Variants in PDZRN4 observed in about 807,000 individuals in gnomAD.
PDZRN4 encodes the protein PDZ domain containing ring finger 4.
A neutral mutation model predicts 99.0 loss-of-function variants in PDZRN4; 70 were observed. The observed-to-expected ratio is 0.71, with a 90% confidence interval of 0.58 to 0.86. The LOEUF is 0.86. Among genes scored for constraint, PDZRN4 ranks in the 40% least tolerant of loss-of-function variants. The probability of loss-of-function intolerance (pLI) is 0.00; values close to 1 mark genes in which losing one functional copy is unlikely to be tolerated. For synonymous variants in PDZRN4, 551 were observed against 501.6 expected (o/e 1.10, Z -1.32); for missense variants, 1,474 against 1,331.2 (o/e 1.11, Z -1.67).
At chr12:41,228,938 A>G (rs962007370) in intron 3 of PDZRN4, among the ~76,000 whole-genome samples, 1 of 152,060 alleles carries the variant, frequency 6.6e-6, no homozygotes, top group African/African-American at 2.4e-5. Context: ...ATGCTGGAGT[A>G]TCAGCCTGGA....
At chr12:41,568,648 A>T (rs1939420399) in intron 9 of PDZRN4, among the ~76,000 whole-genome samples, 1 of 152,120 alleles carries the variant, frequency 6.6e-6, no homozygotes, top group African/African-American at 2.4e-5. Context: ...TGTGATTAGT[A>T]TATTATTTTT....
At chr12:41,571,676 G>A (rs543911666) in intron 9 of PDZRN4, among the ~76,000 whole-genome samples, 2 of 152,178 alleles carry the variant, frequency 1.3e-5, no homozygotes, top group South Asian at 4.2e-4. Context: ...ATGTATTCAG[G>A]AATATGGCAT....
At chr12:41,548,684 A>G (rs546428504) in intron 5 of PDZRN4, among the ~76,000 whole-genome samples, 50 of 152,276 alleles carry the variant, frequency 3.3e-4, no homozygotes, top group African/African-American at 8.2e-4. Flanking sequence ...TAAAAAGCCA[A>G]TGCTTTTTAA....
chr12:41,521,578 A>G (rs1446130412), intron 5 of PDZRN4, among the ~76,000 whole-genome samples: 2 of 152,144 alleles, frequency 1.3e-5, no homozygotes, highest in Non-Finnish European at 2.9e-5. Context: ...CATGGTGCAT[A>G]TGAACCATAA....
rs746507871 is a variant in PDZRN4 at position 41,572,888 on chromosome 12, T to A, written c.2109T>A (p.His703Gln). Residue 703 changes from histidine (H) to glutamine (Q), a missense_variant, in exon 10 of 10, where the codon CAT becomes CAA. Physicochemically the swap from His to Gln is conservative, Grantham distance 24 (BLOSUM62 0). Coordinates refer to ENST00000402685, the MANE Select transcript of PDZRN4 (RefSeq NM_001164595.2). ...TDQYGDIWTL[H>Q]DGGFRNYNTS... is the part of the protein sequence containing the mutation. The stretch of plus-strand genomic sequence containing the variant: ...AGTATGGAGACATCTGGACATTGCA[T>A]GATGGAGGATTCCGGAATTATAACA... The A allele has an allele frequency of 1.1e-5, 18 of 1,614,082 alleles. No homozygotes were observed. The highest frequency in any genetic ancestry group is 1.5e-5 in the Non-Finnish European group (18 of 1,179,998).
rs61065876 is a variant in PDZRN4, at chr12:41,366,579, T to G, written c.844-139877T>G. Among the ~76,000 whole-genome samples, 589 of 152,242 alleles carry G rather than the reference T, an allele frequency of 3.9e-3. 1 individual carries two copies. The highest frequency in any genetic ancestry group is 0.014 in the African/African-American group (569 of 41,564). Reference sequence around the variant, plus strand: ...ATATGAAATTTAAAGTTTTACTGTGTTTAATGGAATATACCATAATGTTTC... The same window carrying G: ...ATATGAAATTTAAAGTTTTACTGTGGTTAATGGAATATACCATAATGTTTC... On this transcript the variant is annotated intron_variant, in intron 3 of 9. Coordinates refer to ENST00000402685, the MANE Select transcript of PDZRN4 (RefSeq NM_001164595.2).
chr12:41,488,947 C>A (rs1937828479), intron 3 of PDZRN4, among the ~76,000 whole-genome samples: 1 of 152,156 alleles, frequency 6.6e-6, no homozygotes, highest in African/African-American at 2.4e-5. Flanking sequence ...TAGATGTGAT[C>A]TCACCCTCCG....
At position 41,428,749 on chromosome 12, in the gene PDZRN4, TC is replaced by T. The variant is rs554498752; in HGVS notation, c.844-77706del. On this transcript the variant is annotated intron_variant, in intron 3 of 9. Coordinates refer to ENST00000402685, the MANE Select transcript of PDZRN4 (RefSeq NM_001164595.2). ...TGTGTAGGCAGAGAAGAGCAAGAAATCAACAACTTGCTCCTCACACCATTAG... is the reference window on the plus strand; with the variant it reads ...TGTGTAGGCAGAGAAGAGCAAGAAATAACAACTTGCTCCTCACACCATTAG... Among the ~76,000 whole-genome samples the T allele has an allele frequency of 4.7e-3, 718 of 152,136 alleles. 4 individuals are homozygous for T. The highest frequency in any genetic ancestry group is 7.0e-3 in the Non-Finnish European group (477 of 67,984).
At chr12:41,448,177 T>C (rs906865582) in intron 3 of PDZRN4, among the ~76,000 whole-genome samples, 7 of 152,158 alleles carry the variant, frequency 4.6e-5, no homozygotes, top group African/African-American at 1.7e-4. Flanking sequence ...ATTTCTGCCA[T>C]GAAAGGTTCC....
chr12:41,569,064 A>C (rs1469854096), intron 9 of PDZRN4, among the ~76,000 whole-genome samples: 1 of 150,768 alleles, frequency 6.6e-6, no homozygotes, highest in East Asian at 2.0e-4. Context: ...GGCCTCCCAA[A>C]GTTCTGGGAT....
intron 3 of PDZRN4, among the ~76,000 whole-genome samples, chr12:41,442,474 A>AG (rs1565583786): frequency 6.6e-6 from 1 of 152,134 alleles, no homozygotes; most frequent in Non-Finnish European, 1.5e-5. Flanking sequence ...AGGGCAGGCC[A>AG]GGTGCTTGTT....
At chr12:41,191,715 TAATGCAAATATTCCAGTACATACCCAGA>T in intron 2 of PDZRN4, among the ~76,000 whole-genome samples, 171 bp downstream of exon 2, 1 of 152,184 alleles carries the variant, frequency 6.6e-6, no homozygotes, top group African/African-American at 2.4e-5. Flanking sequence ...TCAGATTTCT[TAATGCAAATATTCCAGTACATACCCAGA>T]TTTTATTTAT....
intron 3 of PDZRN4, among the ~76,000 whole-genome samples, chr12:41,324,207 A>G (rs1951696306): frequency 6.6e-6 from 1 of 152,074 alleles, no homozygotes; most frequent in South Asian, 2.1e-4. Context: ...GAGATTTTGC[A>G]GATACCACCA....
chr12:41,509,472 G>A (rs12423463), intron 4 of PDZRN4: 7,892 of 161,908 alleles, frequency 0.049, 248 homozygotes, highest in Non-Finnish European at 0.074. Flanking sequence ...ACACACCCAC[G>A]TATGGAGCTT....
chr12:41,192,782 T>C (rs150567377), intron 2 of PDZRN4, among the ~76,000 whole-genome samples: 332 of 152,340 alleles, frequency 2.2e-3, no homozygotes, highest in African/African-American at 7.5e-3. Flanking sequence ...AGTTCTTTGT[T>C]TGATTGCATG....
intron 3 of PDZRN4, among the ~76,000 whole-genome samples, chr12:41,351,598 G>A (rs1338862816): frequency 6.6e-6 from 1 of 151,720 alleles, no homozygotes; most frequent in Non-Finnish European, 1.5e-5. Flanking sequence ...GAACGGGGAG[G>A]TGCTACACAC....
intron 3 of PDZRN4, among the ~76,000 whole-genome samples, chr12:41,240,592 G>C (rs1424729441): frequency 6.6e-6 from 1 of 152,140 alleles, no homozygotes; most frequent in East Asian, 1.9e-4. Flanking sequence ...CTATAACAAA[G>C]TACCATAAAT....
chr12:41,532,232 T>C (rs1227966264), intron 5 of PDZRN4, among the ~76,000 whole-genome samples: 1 of 152,186 alleles, frequency 6.6e-6, no homozygotes, highest in Non-Finnish European at 1.5e-5. Context: ...AGTTTCTGTA[T>C]ATGTATGAGT....
At chr12:41,219,863 T>C (rs2120721204) in intron 3 of PDZRN4, among the ~76,000 whole-genome samples, 1 of 152,292 alleles carries the variant, frequency 6.6e-6, no homozygotes, top group Non-Finnish European at 1.5e-5. Flanking sequence ...TAGCTTCTGC[T>C]ACTGATATAA....
Sources: allele counts gnomAD v4.1 joint callset (sites outside exome capture counted in the v4.1 genomes callset), GRCh38; gene constraint gnomAD v4.1.1; transcripts MANE v1.5; gene names NCBI Gene and HGNC (gene_info 2026-07-23, HGNC 2026-07-21).